Variants in FANCB observed in about 807,000 individuals in gnomAD.
The protein encoded by FANCB is Fanconi anemia group B protein.
FANCB carries 5 observed loss-of-function variants against 38.9 expected under a neutral mutation model. The ratio of observed to expected loss-of-function variants is 0.13; its 90% CI spans 0.07 to 0.27. The LOEUF is 0.27. FANCB is among the 10% of genes least tolerant of loss of function. FANCB has a pLI of 1.00. For synonymous variants in FANCB, 236 were observed against 215.4 expected (o/e 1.10, Z -0.84); for missense variants, 573 against 602.7 (o/e 0.95, Z 0.52).
At chrX:14,768,146 CT>C in the FANCB span, among the ~76,000 whole-genome samples, 1 of 111,220 alleles carries the variant, frequency 9.0e-6, no homozygotes, top group East Asian at 2.8e-4. Context: ...TATTTGGGCT[CT>C]TTTTTGGTTC....
the FANCB span, chrX:14,690,828 G>T: frequency 4.1e-6 from 5 of 1,208,241 alleles, no homozygotes; most frequent in Non-Finnish European, 5.6e-6. Flanking sequence ...GAGTTCCTGC[G>T]CCTCCGAAGA....
the FANCB span, among the ~76,000 whole-genome samples, chrX:14,740,846 C>T: frequency 9.0e-6 from 1 of 111,328 alleles, no homozygotes; most frequent in Non-Finnish European, 1.9e-5. Flanking sequence ...TTAGCACCTC[C>T]CAATAATTTC....
the FANCB span, chrX:14,730,367 G>A: frequency 5.0e-6 from 6 of 1,207,408 alleles, no homozygotes; most frequent in East Asian, 3.0e-5. Context: ...TTTGTGGACC[G>A]GGCAAAAAGG....
At chrX:14,730,551 G>C in the FANCB span, 3 of 457,866 alleles carry the variant, frequency 6.6e-6, no homozygotes, top group South Asian at 9.5e-5. Context: ...CAGTGAAATT[G>C]TCTTTATATC....
At chrX:14,784,162 A>C in the FANCB span, among the ~76,000 whole-genome samples, 1 of 112,576 alleles carries the variant, frequency 8.9e-6, no homozygotes, top group Admixed American at 9.3e-5. Flanking sequence ...GTGAGCAGAG[A>C]TCACGCCATT....
At chrX:14,734,546 T>G in the FANCB span, among the ~76,000 whole-genome samples, 37 of 112,048 alleles carry the variant, frequency 3.3e-4, no homozygotes, top group Non-Finnish European at 6.8e-4. Flanking sequence ...TGCTGAATAT[T>G]GGCCCCCACT....
At chrX:14,845,646 G>T (rs1269143181) in intron 7 of FANCB, among the ~76,000 whole-genome samples, 2 of 111,351 alleles carry the variant, frequency 1.8e-5, no homozygotes, top group Non-Finnish European at 3.8e-5. Context: ...TTATCTTTCA[G>T]GTTGGTCTTT....
the FANCB span, among the ~76,000 whole-genome samples, chrX:14,812,431 GAAGAA>G: frequency 9.0e-6 from 1 of 111,614 alleles, no homozygotes; most frequent in Non-Finnish European, 1.9e-5. Context: ...GACTAATAAA[GAAGAA>G]AAGAGAGAAG....
chrX:14,758,192 TC>T, the FANCB span, among the ~76,000 whole-genome samples: 1 of 109,857 alleles, frequency 9.1e-6, no homozygotes, highest in African/African-American at 3.3e-5. Context: ...CCACACCCCA[TC>T]CCCCACAGCA....
chrX:14,864,594 T>C lies in FANCB; in HGVS notation c.917A>G (p.Asn306Ser), dbSNP rs760825817. The change falls in exon 3 of 10, where the codon AAT becomes AGT. Residue 306 changes from asparagine (N) to serine (S), a missense_variant. Coordinates refer to ENST00000650831, the MANE Select transcript of FANCB (RefSeq NM_001018113.3). ...CTCTTTCCATACAGCACAAGCATTA[T>C]TGGATATAAAGGATACAACGAAAAA... Reference protein sequence around the residue: ...NLFFVVSFISNNACAVWKESF... With the variant: ...NLFFVVSFISSNACAVWKESF... The C allele has an allele frequency of 1.7e-6, 2 of 1,198,409 alleles. No homozygotes were observed. Among genetic ancestry groups the C allele is most frequent in the African/African-American group, 1.7e-5 (1 of 57,594 alleles).
chrX:14,758,081 A>G, the FANCB span, among the ~76,000 whole-genome samples: 1 of 111,096 alleles, frequency 9.0e-6, no homozygotes, highest in African/African-American at 3.3e-5. Flanking sequence ...TATAACTGCT[A>G]GCTTTCCCCC....
chrX:14,747,330 T>C, the FANCB span, among the ~76,000 whole-genome samples: 1 of 112,425 alleles, frequency 8.9e-6, no homozygotes, highest in Non-Finnish European at 1.9e-5. Flanking sequence ...TCCACAGATA[T>C]AAATCACATT....
the FANCB span, among the ~76,000 whole-genome samples, chrX:14,826,744 T>C: frequency 8.9e-6 from 1 of 112,549 alleles, no homozygotes; most frequent in African/African-American, 3.2e-5. Context: ...TCTTGTCTTT[T>C]AACTTATGTT....
the FANCB span, among the ~76,000 whole-genome samples, chrX:14,823,762 C>A: frequency 8.9e-6 from 1 of 111,794 alleles, no homozygotes; most frequent in African/African-American, 3.3e-5. Context: ...ATTTGGGTAA[C>A]CACCACCCCA....
At chrX:14,838,626 T>C (rs1345062679), downstream of FANCB, among the ~76,000 whole-genome samples, 6 of 111,645 alleles carry the variant, frequency 5.4e-5, no homozygotes, top group East Asian at 1.7e-3. Flanking sequence ...CATAACCAAA[T>C]TGAGTCATTC....
chrX:14,750,237 T>G, the FANCB span, among the ~76,000 whole-genome samples: 4 of 111,819 alleles, frequency 3.6e-5, no homozygotes, highest in South Asian at 1.5e-3. Flanking sequence ...GGGACTTCCC[T>G]GGTGTATTAG....
At chrX:14,701,780 G>A in the FANCB span, among the ~76,000 whole-genome samples, 1 of 112,445 alleles carries the variant, frequency 8.9e-6, no homozygotes, top group East Asian at 2.8e-4. Flanking sequence ...TGAAGTTCTA[G>A]TTTTGCACAG....
the FANCB span, among the ~76,000 whole-genome samples, chrX:14,724,626 C>CAAAAAAAAAAAAAAAAAAAAAAAAA: frequency 1.0e-4 from 5 of 49,617 alleles, no homozygotes; most frequent in Non-Finnish European, 1.3e-4. Context: ...AACTCTGTCT[C>CAAAAAAAAAAAAAAAAAAAAAAAAA]AAAAAAAAAA....
At chrX:14,760,805 C>T in the FANCB span, among the ~76,000 whole-genome samples, 1 of 111,180 alleles carries the variant, frequency 9.0e-6, no homozygotes, top group African/African-American at 3.3e-5. Context: ...CCCGTCTCTA[C>T]TAAAAATACA....
Sources: allele counts gnomAD v4.1 joint callset (sites outside exome capture counted in the v4.1 genomes callset), GRCh38; gene constraint gnomAD v4.1.1; transcripts MANE v1.5; gene names NCBI Gene and HGNC (gene_info 2026-07-23, HGNC 2026-07-21).